Variants in CNOT6 observed in about 807,000 individuals in gnomAD.
CNOT6 encodes the protein CCR4-NOT transcription complex subunit 6, also known as carbon catabolite repression 4 protein.
A neutral mutation model predicts 61.2 loss-of-function variants in CNOT6; 12 were observed. That is an observed-to-expected ratio of 0.20 (90% CI 0.13 to 0.32). The LOEUF is 0.32. Among genes scored for constraint, CNOT6 ranks in the 10% least tolerant of loss-of-function variants. The probability of loss-of-function intolerance (pLI) is 1.00; values close to 1 mark genes in which losing one functional copy is unlikely to be tolerated. For missense variants in CNOT6, 405 were observed against 663.9 expected (o/e 0.61, Z 4.28); for synonymous variants, 225 against 240.6 (o/e 0.94, Z 0.60).
At chr5:180,568,559 T>A (rs979050398) in intron 9 of CNOT6, among the ~76,000 whole-genome samples, 3 of 150,894 alleles carry the variant, frequency 2.0e-5, no homozygotes, top group Non-Finnish European at 3.0e-5. Flanking sequence ...AAAAAATAAA[T>A]AAATAAATAA....
At chr5:180,503,196 A>G (rs1054907131) in intron 1 of CNOT6, among the ~76,000 whole-genome samples, 3 of 152,190 alleles carry the variant, frequency 2.0e-5, no homozygotes, top group African/African-American at 7.2e-5. Context: ...TAGGCATTAA[A>G]GATGATTGTA....
chr5:180,509,977 A>G (rs1757309467), intron 1 of CNOT6, among the ~76,000 whole-genome samples: 1 of 151,634 alleles, frequency 6.6e-6, no homozygotes, highest in Non-Finnish European at 1.5e-5. Context: ...CAAAATGTGT[A>G]GTTATGATTT....
intron 1 of CNOT6, among the ~76,000 whole-genome samples, chr5:180,515,765 C>A (rs1478499367): frequency 6.6e-6 from 1 of 152,072 alleles, no homozygotes; most frequent in Non-Finnish European, 1.5e-5. Context: ...TTATTTCTTC[C>A]TCCTTACCTC....
intron 1 of CNOT6, among the ~76,000 whole-genome samples, chr5:180,508,186 T>C (rs1757218362): frequency 6.6e-6 from 1 of 151,618 alleles, no homozygotes; most frequent in Non-Finnish European, 1.5e-5. Context: ...TAAAATGGGC[T>C]AGAGTTGGAG....
chr5:180,551,559 A>C (rs983872569), intron 3 of CNOT6, among the ~76,000 whole-genome samples: 7 of 152,002 alleles, frequency 4.6e-5, no homozygotes, highest in African/African-American at 1.2e-4. Context: ...TTATTATTTT[A>C]CTTCTGTTTT....
At chr5:180,519,435 A>C (rs1757787030) in intron 1 of CNOT6, among the ~76,000 whole-genome samples, 1 of 152,226 alleles carries the variant, frequency 6.6e-6, no homozygotes, top group African/African-American at 2.4e-5. Context: ...TTATTTAGCA[A>C]AAGTTCGTGG....
chr5:180,543,263 G>A lies in CNOT6; in HGVS notation c.113-6668G>A, dbSNP rs540043851. On this transcript the variant is annotated intron_variant, in intron 2 of 11. Coordinates refer to ENST00000261951, the MANE Select transcript of CNOT6 (RefSeq NM_001370472.1). ...TTTAATAGAGACGGGGTTTCATCGTGTTAGCCAGGATGGTCTCGATCTCCT... is the reference window on the plus strand; with the variant it reads ...TTTAATAGAGACGGGGTTTCATCGTATTAGCCAGGATGGTCTCGATCTCCT... Among the ~76,000 whole-genome samples the A allele has an allele frequency of 7.2e-5, 11 of 152,242 alleles. No individual in the cohort carries two copies. In the East Asian group the frequency reaches 1.9e-3, roughly 27 times the overall value.
intron 1 of CNOT6, among the ~76,000 whole-genome samples, chr5:180,518,902 G>A (rs541420846): frequency 6.6e-6 from 1 of 152,264 alleles, no homozygotes; most frequent in East Asian, 1.9e-4. Context: ...TTGTAGAGAC[G>A]AGTTCTTGCC....
chr5:180,562,665 G>T (rs1190443448), intron 4 of CNOT6, among the ~76,000 whole-genome samples: 1 of 152,106 alleles, frequency 6.6e-6, no homozygotes, highest in Non-Finnish European at 1.5e-5. Flanking sequence ...GCGTGAACCC[G>T]GGAGGCGGAG....
intron 11 of CNOT6, among the ~76,000 whole-genome samples, chr5:180,572,984 T>C (rs183114225): frequency 2.0e-4 from 30 of 152,366 alleles, no homozygotes; most frequent in African/African-American, 6.3e-4. Flanking sequence ...AATAAGAGTT[T>C]AGATAGTATC....
intron 2 of CNOT6, among the ~76,000 whole-genome samples, chr5:180,541,106 C>T (rs1258572034): frequency 6.6e-6 from 1 of 151,200 alleles, no homozygotes; most frequent in Non-Finnish European, 1.5e-5. Context: ...TGTTTCGGTA[C>T]TTTATTTTCT....
chr5:180,564,638 A>C, intron 5 of CNOT6, 37 bp from the exon 6 acceptor site: 1 of 1,608,994 alleles, frequency 6.2e-7, no homozygotes, highest in Non-Finnish European at 8.5e-7. Flanking sequence ...AAGACGTGTA[A>C]GAATATTGCT....
chr5:180,555,062 G>A (rs1461558631), intron 4 of CNOT6, among the ~76,000 whole-genome samples: 2 of 151,012 alleles, frequency 1.3e-5, no homozygotes, highest in Non-Finnish European at 2.9e-5. Context: ...AGAGTGCAGT[G>A]GCATCATGAT....
chr5:180,518,992 G>C (rs756883009), intron 1 of CNOT6, among the ~76,000 whole-genome samples: 1 of 152,184 alleles, frequency 6.6e-6, no homozygotes, highest in Non-Finnish European at 1.5e-5. Flanking sequence ...GATTACAGGC[G>C]TGAGCCATAT....
At chr5:180,538,835 C>T (rs972582242) in intron 2 of CNOT6, among the ~76,000 whole-genome samples, 1 of 151,034 alleles carries the variant, frequency 6.6e-6, no homozygotes, top group Admixed American at 6.6e-5. Flanking sequence ...GCTGAGATCG[C>T]ACCACTGTAC....
chr5:180,555,946 G>A (rs1242723396), intron 4 of CNOT6, among the ~76,000 whole-genome samples: 1 of 152,142 alleles, frequency 6.6e-6, no homozygotes, highest in Non-Finnish European at 1.5e-5. Context: ...CAGTACTACA[G>A]TTAAAGGCAG....
Position 180,558,621 on chromosome 5 carries a change from C to CT in CNOT6, c.385+5161dup, listed in dbSNP as rs376607042. 1.0e-2 allele frequency among the ~76,000 whole-genome samples: 853 copies of CT among 85,586 alleles called. 4 individuals carry two copies. Among genetic ancestry groups the CT allele is most frequent in the African/African-American group, 0.024 (679 of 28,032 alleles). The allele number at this position is 85,586 out of a possible 152,430, so 56.1% of individuals were successfully genotyped here. A position where few individuals can be genotyped will look rare whatever the true frequency, so the allele number is the denominator to read the frequency against. On this transcript the variant is annotated intron_variant, in intron 4 of 11. Coordinates refer to ENST00000261951, the MANE Select transcript of CNOT6 (RefSeq NM_001370472.1). ...TTTCCTTCCTTCCTTCTTGTGTTTG[C>CT]TTTTTTTTTTTCCTAGCTTCTTGAG...
chr5:180,568,033 A>G, intron 9 of CNOT6, 30 bp downstream of exon 9: 1 of 1,577,278 alleles, frequency 6.3e-7, no homozygotes, highest in Non-Finnish European at 8.6e-7. Flanking sequence ...TGTAAAATTG[A>G]CCAGCTCTGA....
intron 4 of CNOT6, among the ~76,000 whole-genome samples, chr5:180,558,295 C>A (rs551373842): frequency 8.5e-5 from 13 of 152,140 alleles, no homozygotes; most frequent in African/African-American, 1.9e-4. Flanking sequence ...AGGGAGATGG[C>A]AAGGACCTGG....
Sources: gnomAD v4.1 joint callset for allele counts (sites outside exome capture counted in the v4.1 genomes callset) on GRCh38, gnomAD v4.1.1 for gene constraint, MANE v1.5 for transcripts, NCBI Gene and HGNC (gene_info 2026-07-23, HGNC 2026-07-21) for gene names.